Variants in VWC2L observed in about 807,000 individuals in gnomAD.
VWC2L encodes von Willebrand factor C domain containing 2 like, also known as von Willebrand factor C domain-containing protein 2-like.
Under a neutral mutation model 21.6 loss-of-function variants are expected in VWC2L, and 10 were observed. The ratio of observed to expected loss-of-function variants is 0.46; its 90% CI spans 0.29 to 0.78. The LOEUF (loss-of-function observed/expected upper bound fraction) is 0.78. VWC2L is among the 30% of genes least tolerant of loss of function. VWC2L has a pLI of 0.10. For synonymous variants in VWC2L, 96 were observed against 94.3 expected (o/e 1.02, Z -0.10); for missense variants, 209 against 277.1 (o/e 0.75, Z 1.74).
intron 3 of VWC2L, among the ~76,000 whole-genome samples, chr2:214,438,053 A>G (rs1349121020): frequency 1.3e-5 from 2 of 152,074 alleles, no homozygotes; most frequent in Non-Finnish European, 2.9e-5. Flanking sequence ...CTGAAGTTCT[A>G]ACTCATCAAA....
At chr2:214,551,447 G>T (rs1689793307) in intron 3 of VWC2L, among the ~76,000 whole-genome samples, 1 of 152,216 alleles carries the variant, frequency 6.6e-6, no homozygotes, top group South Asian at 2.1e-4. Flanking sequence ...GGGGAAGGAA[G>T]AAAATAGTGA....
intron 3 of VWC2L, among the ~76,000 whole-genome samples, chr2:214,550,217 G>A (rs552486387): frequency 5.2e-4 from 79 of 152,192 alleles, no homozygotes; most frequent in Non-Finnish European, 1.0e-3. Context: ...ATGAAAACTT[G>A]GGTATATTCT....
At chr2:214,505,710 A>C (rs1289171755) in intron 3 of VWC2L, among the ~76,000 whole-genome samples, 1 of 152,164 alleles carries the variant, frequency 6.6e-6, no homozygotes, top group Non-Finnish European at 1.5e-5. Context: ...ATTGTAGATG[A>C]TGTTCTGGCC....
chr2:214,453,682 C>T (rs571463338), intron 3 of VWC2L, among the ~76,000 whole-genome samples: 1 of 151,228 alleles, frequency 6.6e-6, no homozygotes, highest in Non-Finnish European at 1.5e-5. Context: ...AATGTACAGG[C>T]TTTTCACATA....
intron 3 of VWC2L, among the ~76,000 whole-genome samples, chr2:214,568,873 A>T (rs1193304897): frequency 6.6e-6 from 1 of 152,112 alleles, no homozygotes; most frequent in African/African-American, 2.4e-5. Context: ...CTGGTATCTT[A>T]ATCCTATTGC....
Position 214,476,484 on chromosome 2 carries a change from GGGCA to G in VWC2L, c.520+39727_520+39730del, listed in dbSNP as rs1688527873. Among the ~76,000 whole-genome samples the G allele has an allele frequency of 6.6e-5, 10 of 152,192 alleles. No individual in the cohort carries two copies. In the South Asian group the frequency reaches 2.1e-3, roughly 32 times the overall value. On this transcript the variant is annotated intron_variant, in intron 3 of 3. Coordinates refer to ENST00000312504, the MANE Select transcript of VWC2L (RefSeq NM_001080500.4). The stretch of plus-strand genomic sequence containing the variant: ...AATGACAATGATTGTGGGGGTTGGG[GGGCA>G]TATTAAATCTAACTTACCCGGCTTT...
At chr2:214,545,464 G>T (rs1006177974) in intron 3 of VWC2L, among the ~76,000 whole-genome samples, 1 of 152,116 alleles carries the variant, frequency 6.6e-6, no homozygotes, top group Non-Finnish European at 1.5e-5. Flanking sequence ...TTTGTAAAGA[G>T]AATATTTTAA....
At chr2:214,422,717 C>T (rs929244836) in intron 2 of VWC2L, among the ~76,000 whole-genome samples, 3 of 152,134 alleles carry the variant, frequency 2.0e-5, no homozygotes, top group East Asian at 1.9e-4. Context: ...TTGCCTCTAG[C>T]CTGCTGTAGA....
intron 3 of VWC2L, among the ~76,000 whole-genome samples, chr2:214,469,621 T>C (rs976722554): frequency 6.6e-6 from 1 of 151,722 alleles, no homozygotes; most frequent in Non-Finnish European, 1.5e-5. Flanking sequence ...GGGTACACTA[T>C]GTATGAGAAG....
At chr2:214,419,171 ACT>A (rs1702398016) in intron 2 of VWC2L, among the ~76,000 whole-genome samples, 1 of 152,010 alleles carries the variant, frequency 6.6e-6, no homozygotes, top group Non-Finnish European at 1.5e-5. Context: ...CTTTTTGAAA[ACT>A]CTAAATTCTC....
intron 3 of VWC2L, among the ~76,000 whole-genome samples, chr2:214,537,777 C>A (rs1167138822): frequency 6.6e-6 from 1 of 151,940 alleles, no homozygotes; most frequent in Non-Finnish European, 1.5e-5. Flanking sequence ...TATATTCAGG[C>A]CTTTTTTATT....
At chr2:214,575,353 G>C (rs1366481588) in intron 3 of VWC2L, among the ~76,000 whole-genome samples, 2 of 152,072 alleles carry the variant, frequency 1.3e-5, no homozygotes, top group Non-Finnish European at 2.9e-5. Flanking sequence ...CACCTCAGAG[G>C]ACAAAACAAA....
chr2:214,502,330 G>A (rs1190387438), intron 3 of VWC2L, among the ~76,000 whole-genome samples: 1 of 152,128 alleles, frequency 6.6e-6, no homozygotes, highest in Non-Finnish European at 1.5e-5. Context: ...CCAGCACTTC[G>A]GGAGGCTGAG....
chr2:214,492,026 T>C (rs568766339), intron 3 of VWC2L, among the ~76,000 whole-genome samples: 62 of 152,258 alleles, frequency 4.1e-4, no homozygotes, highest in African/African-American at 1.4e-3. Flanking sequence ...ATGCCAAAGA[T>C]ATAAAAGAGA....
intron 3 of VWC2L, among the ~76,000 whole-genome samples, chr2:214,523,163 C>T (rs1689271219): frequency 6.6e-6 from 1 of 152,162 alleles, no homozygotes; most frequent in African/African-American, 2.4e-5. Flanking sequence ...ATGCCATTGC[C>T]TTATTTCATT....
At position 214,556,934 on chromosome 2, in the gene VWC2L, C is replaced by G. The variant is rs998934983; in HGVS notation, c.521-18738C>G. 4.0e-4 allele frequency among the ~76,000 whole-genome samples: 61 copies of G among 152,190 alleles called. 3 individuals carry two copies. The highest frequency in any genetic ancestry group is 2.9e-5 in the Non-Finnish European group (2 of 68,030). ...CAGGGCACACTTCGTGCTGACTATC[C>G]TCAGCACATGGTGTGCATTGACTCT... On this transcript the variant is annotated intron_variant, in intron 3 of 3. Coordinates refer to ENST00000312504, the MANE Select transcript of VWC2L (RefSeq NM_001080500.4).
chr2:214,548,678 C>T lies in VWC2L; in HGVS notation c.521-26994C>T, dbSNP rs547111110. 2.6e-5 allele frequency among the ~76,000 whole-genome samples: 4 copies of T among 152,316 alleles called. No individual in the cohort carries two copies. In the South Asian group the frequency reaches 8.3e-4, roughly 32 times the overall value. On this transcript the variant is annotated intron_variant, in intron 3 of 3. Coordinates refer to ENST00000312504, the MANE Select transcript of VWC2L (RefSeq NM_001080500.4). The stretch of plus-strand genomic sequence containing the variant: ...AAGGGGCTGCTGTGATAATAGCTTG[C>T]TTTTGGTGGCCAACTATTTTAACTC...
intron 3 of VWC2L, among the ~76,000 whole-genome samples, chr2:214,460,107 C>A (rs561574706): frequency 6.6e-6 from 1 of 152,052 alleles, no homozygotes; most frequent in South Asian, 2.1e-4. Flanking sequence ...AGGGTTTCAC[C>A]GTGTTGGCCA....
At chr2:214,561,809 T>TATATATATATATATATATATATACATAC (rs1489588765) in intron 3 of VWC2L, among the ~76,000 whole-genome samples, 1 of 127,244 alleles carries the variant, frequency 7.9e-6, no homozygotes, top group African/African-American at 3.5e-5. Flanking sequence ...TATATATATA[T>TATATATATATATATATATATATACATAC]ACACACACAT....
Sources: allele counts gnomAD v4.1 joint callset (sites outside exome capture counted in the v4.1 genomes callset), GRCh38; gene constraint gnomAD v4.1.1; transcripts MANE v1.5; gene names NCBI Gene and HGNC (gene_info 2026-07-23, HGNC 2026-07-21).